Variants in CDHR3 observed in about 807,000 individuals in gnomAD.
The protein encoded by CDHR3 is cadherin related family member 3.
CDHR3 carries 79 observed loss-of-function variants against 86.6 expected under a neutral mutation model. The observed-to-expected ratio is 0.91, with a 90% CI of 0.76 to 1.10. CDHR3 has a LOEUF of 1.10. CDHR3 is among the 50% of genes least tolerant of loss of function. The pLI is 0.00. For synonymous variants in CDHR3, 421 were observed against 402.4 expected (o/e 1.05, Z -0.55); for missense variants, 1,081 against 1,077.6 (o/e 1.00, Z -0.04).
At chr7:106,026,744 T>C (rs761852579) in intron 16 of CDHR3, 49 bp downstream of exon 16, 17 of 1,602,580 alleles carry the variant, frequency 1.1e-5, no homozygotes, top group Non-Finnish European at 1.5e-5. Context: ...GCTTGCTCTG[T>C]TGTGCTACGT....
intron 8 of CDHR3, among the ~76,000 whole-genome samples, chr7:106,009,080 GAGTCCTGCACTTGATAA>G (rs1284205591): frequency 5.3e-5 from 8 of 152,208 alleles, no homozygotes; most frequent in Non-Finnish European, 8.8e-5. Context: ...AGACCAAACA[GAGTCCTGCACTTGATAA>G]TCTTCCCTCC....
At chr7:106,016,770 C>T (rs569775268) in intron 11 of CDHR3, among the ~76,000 whole-genome samples, 1 of 152,304 alleles carries the variant, frequency 6.6e-6, no homozygotes, top group South Asian at 2.1e-4. Context: ...AGTTTTCAAG[C>T]AAAATGCAAA....
At chr7:105,982,386 A>G (rs1434621474) in intron 3 of CDHR3, among the ~76,000 whole-genome samples, 1 of 144,910 alleles carries the variant, frequency 6.9e-6, no homozygotes, top group African/African-American at 2.6e-5. Context: ...GGAGAATGGC[A>G]TGAACCCGGG....
rs545425336 is a variant in CDHR3 at position 106,022,448 on chromosome 7, G to A, written c.2076G>A (p.Arg692=). 67 of 1,613,106 alleles carry A rather than the reference G, an allele frequency of 4.2e-5. 2 individuals carry two copies. In the South Asian group the frequency reaches 5.4e-4, roughly 13 times the overall value. The stretch of plus-strand genomic sequence containing the variant: ...CCACTATCATCACCACGACCCCCAG[G>A]GTAAGGGCTTTAGGACCTGGAATCC... ...HPTTIITTTP[R]PRVTYQVLRK... The change falls in exon 14 of 19, where the codon AGG becomes AGA. Residue 692 remains arginine (R), a splice_region_variant and synonymous_variant. Transcript: ENST00000317716.
chr7:105,964,227 A>G (rs1299756254), intron 1 of CDHR3, among the ~76,000 whole-genome samples: 2 of 152,032 alleles, frequency 1.3e-5, no homozygotes, highest in Non-Finnish European at 2.9e-5. Context: ...GATTTGGTAC[A>G]TTCTTATTAT....
intron 3 of CDHR3, 111 bp downstream of exon 3, chr7:105,981,244 AAGGCAGCTGCTTAATGAGC>A: frequency 9.6e-7 from 1 of 1,038,476 alleles, no homozygotes; most frequent in South Asian, 1.7e-5. Context: ...TTCCCTGGAA[AAGGCAGCTGCTTAATGAGC>A]AGGGAATAAA....
rs114172991 is a variant in CDHR3, at chr7:105,995,786, A to G, written c.609-464A>G. Among the ~76,000 whole-genome samples the G allele has an allele frequency of 3.6e-3, 551 of 152,196 alleles. 2 individuals are homozygous for G. Among genetic ancestry groups the G allele is most frequent in the African/African-American group, 0.013 (527 of 41,504 alleles). On this transcript the variant is annotated intron_variant, in intron 5 of 18. Coordinates refer to ENST00000317716, the MANE Select transcript of CDHR3 (RefSeq NM_152750.5). ...TCTCAGACCCCATCTTGTTTGGGAA[A>G]GGCAGCCATCCAAGCAAAGGGGCTG...
chr7:106,001,470 G>C lies in CDHR3; in HGVS notation c.722G>C (p.Arg241Pro), dbSNP rs776713785. 3 of 1,613,876 alleles carry C rather than the reference G, an allele frequency of 1.9e-6. No homozygotes were observed. The highest frequency in any genetic ancestry group is 3.3e-5 in the Admixed American group (2 of 60,032). Residue 241 changes from arginine to proline, a missense_variant, in exon 7 of 19, where the codon CGA (arginine) becomes CCA (proline). Coordinates refer to ENST00000317716, the MANE Select transcript of CDHR3 (RefSeq NM_152750.5). Reference sequence around the variant, plus strand: ...CTGTATCTCTGTTCCAGCCCGACACGAGTGTACACAGTCCTGGAGGAACTG... The same window carrying C: ...CTGTATCTCTGTTCCAGCCCGACACCAGTGTACACAGTCCTGGAGGAACTG... ...DEVPRFTSPT[R>P]VYTVLEELSP...
Position 106,029,305 on chromosome 7 carries a change from A to G in CDHR3, c.2304+723A>G, listed in dbSNP as rs147356873. ...TGATTTAAACTTTCTTTGCTCTTCCACTACCTTGCAGAAAAGTGACAGAGA... is the reference window on the plus strand; with the variant it reads ...TGATTTAAACTTTCTTTGCTCTTCCGCTACCTTGCAGAAAAGTGACAGAGA... On this transcript the variant is annotated intron_variant, in intron 17 of 18. Transcript: ENST00000317716. Among the ~76,000 whole-genome samples, 869 of 152,018 alleles carry G rather than the reference A, an allele frequency of 5.7e-3. 9 individuals carry two copies. Among genetic ancestry groups the G allele is most frequent in the Non-Finnish European group, 6.4e-3 (433 of 67,916 alleles).
At chr7:106,032,265 A>T in intron 18 of CDHR3, 128 bp from the exon 19 acceptor site, 1 of 877,430 alleles carries the variant, frequency 1.1e-6, no homozygotes, top group Non-Finnish European at 1.7e-6. Flanking sequence ...TGTCTGTGTC[A>T]GTGATTCACA....
chr7:106,017,608 C>CACACAA (rs1835858526), intron 11 of CDHR3, among the ~76,000 whole-genome samples: 1 of 147,754 alleles, frequency 6.8e-6, no homozygotes, highest in African/African-American at 2.5e-5. Context: ...CACACACACA[C>CACACAA]AAAGATATAA....
At chr7:105,991,403 C>T (rs2115732630) in intron 4 of CDHR3, among the ~76,000 whole-genome samples, 1 of 152,004 alleles carries the variant, frequency 6.6e-6, no homozygotes, top group Middle Eastern at 3.4e-3. Flanking sequence ...AAAAAAAAAT[C>T]AAGATTCCAG....
chr7:105,969,087 CAAAATA>C (rs71155493), intron 1 of CDHR3, among the ~76,000 whole-genome samples: 12,882 of 143,234 alleles, frequency 0.09, 869 homozygotes, highest in East Asian at 0.39. Context: ...GACTCCGTCT[CAAAATA>C]AAAATAAAAA....
chr7:105,979,908 G>A (rs575589958), intron 2 of CDHR3, among the ~76,000 whole-genome samples: 112 of 152,272 alleles, frequency 7.4e-4, no homozygotes, highest in Non-Finnish European at 6.2e-4. Flanking sequence ...CTATAGATAC[G>A]AGCAATCACA....
At chr7:106,018,420 A>G (rs1835996512) in intron 12 of CDHR3, among the ~76,000 whole-genome samples, 1 of 152,068 alleles carries the variant, frequency 6.6e-6, no homozygotes, top group African/African-American at 2.4e-5. Flanking sequence ...TATTTTTAGT[A>G]GAGACGGGTT....
chr7:105,995,414 C>T (rs762632833), intron 5 of CDHR3, among the ~76,000 whole-genome samples: 18 of 151,912 alleles, frequency 1.2e-4, no homozygotes, highest in Non-Finnish European at 2.4e-4. Flanking sequence ...AGACCAAGGA[C>T]GGTGATGTGG....
At chr7:105,969,944 G>A (rs1827687059) in intron 1 of CDHR3, among the ~76,000 whole-genome samples, 1 of 152,128 alleles carries the variant, frequency 6.6e-6, no homozygotes, top group Non-Finnish European at 1.5e-5. Flanking sequence ...AACCCCCAGA[G>A]AAGTCAAGGG....
rs189232036 is a variant in CDHR3 at position 106,004,350 on chromosome 7, A to G, written c.863-148A>G. ...AATGAATGTCTAACACAGGAACTTAATGGGTTTTCAAAAATGTATTTGTAT... is the reference window on the plus strand; with the variant it reads ...AATGAATGTCTAACACAGGAACTTAGTGGGTTTTCAAAAATGTATTTGTAT... On this transcript the variant is annotated intron_variant, in intron 7 of 18. Transcript: ENST00000317716. 46 of 658,616 alleles carry G rather than the reference A, an allele frequency of 7.0e-5. No homozygotes were observed. The African/African-American group carries it at 7.3e-4, about 10-fold the overall frequency. The allele number at this position is 658,616 out of a possible 1,614,324, so 40.8% of individuals were successfully genotyped here.
intron 12 of CDHR3, among the ~76,000 whole-genome samples, chr7:106,018,344 C>T (rs113210078): frequency 0.056 from 8,467 of 152,302 alleles, 309 homozygotes; most frequent in Non-Finnish European, 0.082. Context: ...TTAAGCGATT[C>T]TCGTGCCTCA....
Sources: allele counts gnomAD v4.1 joint callset (sites outside exome capture counted in the v4.1 genomes callset), GRCh38; gene constraint gnomAD v4.1.1; transcripts MANE v1.5; gene names NCBI Gene and HGNC (gene_info 2026-07-23, HGNC 2026-07-21).